The following ATXN7 variants were observed in gnomAD, a reference collection of about 807,000 sequenced individuals.
ATXN7 encodes the protein ataxin 7.
ATXN7 carries 12 observed loss-of-function variants against 70.5 expected under a neutral mutation model. That is an observed-to-expected ratio of 0.17 (90% CI 0.11 to 0.28). The LOEUF (loss-of-function observed/expected upper bound fraction) is 0.28, where lower values mean the gene tolerates loss of function less well. Ranked by LOEUF, ATXN7 falls within the 10% of genes least tolerant of loss-of-function variation. ATXN7 has a pLI of 1.00. For synonymous variants in ATXN7, 498 were observed against 448.7 expected, an observed-to-expected ratio of 1.11 and a Z score of -1.39; for missense variants, 1,256 against 1,131.7, an observed-to-expected ratio of 1.11 and a Z score of -1.58.
chr3:63,988,216 C>T lies in ATXN7; in HGVS notation c.1253C>T (p.Pro418Leu). 1 of 1,614,124 alleles carries T rather than the reference C, an allele frequency of 6.2e-7. No individual in the cohort carries two copies. Among genetic ancestry groups the T allele is most frequent in the South Asian group, 1.1e-5 (1 of 91,072 alleles). The part of the protein sequence containing the change: ...PQPLRDPHPA[P>L]PRTSQEPHQN... ...CCTCTCAGGGACCCGCATCCCGCCC[C>T]TCCTAGAACGTCACAGGAGCCGCAC... Residue 418 changes from proline to leucine, a missense_variant, in exon 9 of 13, where the codon CCT becomes CTT. Pro to Leu is a moderately conservative substitution (Grantham distance 98, BLOSUM62 -3). Coordinates refer to ENST00000674280, the MANE Select transcript of ATXN7 (RefSeq NM_001377405.1).
chr3:63,927,068 T>C (rs1704747969), intron 4 of ATXN7, among the ~76,000 whole-genome samples: 1 of 152,216 alleles, frequency 6.6e-6, no homozygotes, highest in Non-Finnish European at 1.5e-5. Context: ...CTATCATTCA[T>C]GGGCATTTGG....
intron 1 of ATXN7, among the ~76,000 whole-genome samples, chr3:63,879,943 G>C (rs891639608): frequency 2.6e-5 from 4 of 151,738 alleles, no homozygotes; most frequent in Admixed American, 6.6e-5. Context: ...AAAATTAGCC[G>C]GGTGTGGTGG....
chr3:63,948,094 G>C (rs1262552541), intron 4 of ATXN7, among the ~76,000 whole-genome samples: 1 of 152,160 alleles, frequency 6.6e-6, no homozygotes, highest in East Asian at 1.9e-4. Flanking sequence ...CTTGTGGAAA[G>C]GTTTGTAGAC....
chr3:63,982,751 C>T (rs536311724), intron 7 of ATXN7, 188 bp from the exon 8 acceptor site: 3 of 612,740 alleles, frequency 4.9e-6, no homozygotes, highest in African/African-American at 3.7e-5. Context: ...CAGTAGTCAC[C>T]CCCTGTCTTA....
rs200420019 is a variant in ATXN7, at chr3:63,970,513, AT to A, written c.500-9394del. Among the ~76,000 whole-genome samples, 1,269 of 152,090 alleles carry A rather than the reference AT, an allele frequency of 8.3e-3. 9 individuals are homozygous for A. The highest frequency in any genetic ancestry group is 0.034 in the Middle Eastern group (10 of 294). ...CCGTATTTTTCAATAAAATATTTGG[AT>A]TTTTTTTAAAGCCCTTTTACAAATG... On this transcript the variant is annotated intron_variant, in intron 5 of 12. Coordinates refer to ENST00000674280, the MANE Select transcript of ATXN7 (RefSeq NM_001377405.1).
At chr3:63,914,801 C>T (rs7627690) in intron 4 of ATXN7, among the ~76,000 whole-genome samples, 2 of 151,998 alleles carry the variant, frequency 1.3e-5, no homozygotes, top group Non-Finnish European at 2.9e-5. Context: ...GACTGTACCT[C>T]ATTTTTGCTA....
rs528008421 is a variant in ATXN7 at position 63,979,943 on chromosome 3, G to A, written c.528G>A (p.Pro176=). Reference sequence around the variant, plus strand: ...GAAGACATAGCTCATCCAGCAAGCCGCCTTTGGCCGTTCCTCCCACTTCAG... The same window carrying A: ...GAAGACATAGCTCATCCAGCAAGCCACCTTTGGCCGTTCCTCCCACTTCAG... ...YERRHSSSSK[P]PLAVPPTSVF... is the part of the protein sequence containing the mutation. The change falls in exon 6 of 13, where the codon CCG becomes CCA. Residue 176 remains proline, a synonymous_variant. Coordinates refer to ENST00000674280, the MANE Select transcript of ATXN7 (RefSeq NM_001377405.1). The A allele has an allele frequency of 6.8e-6, 11 of 1,614,164 alleles. No homozygotes were observed. The highest frequency in any genetic ancestry group is 3.3e-5 in the Admixed American group (2 of 60,012).
chr3:63,890,339 T>C (rs879574009), intron 1 of ATXN7, among the ~76,000 whole-genome samples: 10 of 152,174 alleles, frequency 6.6e-5, no homozygotes, highest in Non-Finnish European at 1.3e-4. Context: ...GATACAGAAT[T>C]TAGACATGTA....
chr3:63,890,972 AC>A (rs1308514903), intron 1 of ATXN7, among the ~76,000 whole-genome samples: 1 of 152,118 alleles, frequency 6.6e-6, no homozygotes, highest in Non-Finnish European at 1.5e-5. Context: ...GAAGTGTGGC[AC>A]CCAACATTTC....
rs558319631 is a variant in ATXN7 at position 63,966,456 on chromosome 3, A to T, written c.500-13459A>T. 3.9e-5 allele frequency among the ~76,000 whole-genome samples: 6 copies of T among 152,194 alleles called. No homozygotes were observed. The East Asian group carries it at 5.8e-4, about 15-fold the overall frequency. ...ATGAGCTTTTAAAAAGATTTGGGAG[A>T]TGTATCCTCATCCTGTGCTTCTAAG... On this transcript the variant is annotated intron_variant, in intron 5 of 12. Coordinates refer to ENST00000674280, the MANE Select transcript of ATXN7 (RefSeq NM_001377405.1).
At chr3:63,884,040 A>G (rs1251176476) in intron 1 of ATXN7, among the ~76,000 whole-genome samples, 2 of 152,162 alleles carry the variant, frequency 1.3e-5, no homozygotes, top group Non-Finnish European at 2.9e-5. Context: ...CTATAGAAGT[A>G]GTTCATGTAG....
intron 4 of ATXN7, among the ~76,000 whole-genome samples, chr3:63,917,747 T>C (rs1704341273): frequency 6.6e-6 from 1 of 152,232 alleles, no homozygotes; most frequent in South Asian, 2.1e-4. Context: ...CTGCACACCA[T>C]TGTGCTCAGT....
intron 5 of ATXN7, among the ~76,000 whole-genome samples, chr3:63,978,627 C>T (rs1021426110): frequency 1.3e-5 from 2 of 152,184 alleles, no homozygotes; most frequent in Non-Finnish European, 2.9e-5. Flanking sequence ...AAGCAAAAGG[C>T]ACTTATAAAT....
intron 5 of ATXN7, chr3:63,968,603 A>G (rs1279592575): frequency 6.6e-6 from 1 of 152,236 alleles, no homozygotes; most frequent in East Asian, 1.9e-4. Flanking sequence ...CAAAATACAA[A>G]CAGTAACCCT....
At chr3:63,905,160 A>G (rs905302579) in intron 2 of ATXN7, 2 of 152,116 alleles carry the variant, frequency 1.3e-5, no homozygotes, top group African/African-American at 2.4e-5. Flanking sequence ...TTTAATTTTG[A>G]TGAAGTTCAA....
At chr3:63,994,604 T>TA (rs2075726144) in intron 11 of ATXN7, among the ~76,000 whole-genome samples, 1 of 152,210 alleles carries the variant, frequency 6.6e-6, no homozygotes, top group Non-Finnish European at 1.5e-5. Flanking sequence ...CAGTAGTCTT[T>TA]AAAAGCATCT....
chr3:63,936,262 T>TC (rs1421120149), intron 4 of ATXN7, among the ~76,000 whole-genome samples: 2 of 152,176 alleles, frequency 1.3e-5, no homozygotes, highest in African/African-American at 4.8e-5. Flanking sequence ...GATTTTTTTT[T>TC]CATACAATAA....
At chr3:63,972,973 G>A (rs2075337734) in intron 5 of ATXN7, among the ~76,000 whole-genome samples, 2 of 152,176 alleles carry the variant, frequency 1.3e-5, no homozygotes, top group Admixed American at 1.3e-4. Flanking sequence ...TCTGTCTTAT[G>A]TGCTGATGTG....
In ATXN7 at chr3:63,996,348, C is replaced by G. The variant is rs1368745466; in HGVS notation, c.2526C>G (p.Ser842Arg). 6.2e-7 allele frequency: 1 copy of G among 1,614,164 alleles called. No individual in the cohort carries two copies. The highest frequency in any genetic ancestry group is 8.5e-7 in the Non-Finnish European group (1 of 1,180,038). Reference sequence around the variant, plus strand: ...GAAAGAAAAGAAAGTGCTCACCCAGCTCGAGCAGCATCAACAACAGCAGCA... The same window carrying G: ...GAAAGAAAAGAAAGTGCTCACCCAGGTCGAGCAGCATCAACAACAGCAGCA... Reference protein sequence around the residue: ...LIGKKRKCSPSSSSINNSSSK... With the variant: ...LIGKKRKCSPRSSSINNSSSK... The change falls in exon 12 of 13, where the codon AGC becomes AGG. Residue 842 changes from serine (S) to arginine (R), a missense_variant. Coordinates refer to ENST00000674280, the MANE Select transcript of ATXN7 (RefSeq NM_001377405.1).
Sources: allele counts gnomAD v4.1 joint callset (sites outside exome capture counted in the v4.1 genomes callset), GRCh38; gene constraint gnomAD v4.1.1; transcripts MANE v1.5; gene names NCBI Gene and HGNC (gene_info 2026-07-23, HGNC 2026-07-21).